The following EXOC4 variants were observed in gnomAD, a reference collection of about 807,000 sequenced individuals.
The protein encoded by EXOC4 is exocyst complex component 4.
A neutral mutation model predicts 107.2 loss-of-function variants in EXOC4; 71 were observed. That is an observed-to-expected ratio of 0.66 (90% CI 0.55 to 0.81). The LOEUF is 0.81. Ranked by LOEUF, EXOC4 falls within the 30% of genes least tolerant of loss-of-function variation. The pLI, the probability that EXOC4 is intolerant of heterozygous loss-of-function variation, is 0.00. For synonymous variants in EXOC4, 456 were observed against 441.2 expected (o/e 1.03, Z -0.42); for missense variants, 1,108 against 1,189.6 (o/e 0.93, Z 1.01).
At chr7:133,744,565 A>G (rs1437050241) in intron 10 of EXOC4, among the ~76,000 whole-genome samples, 1 of 152,204 alleles carries the variant, frequency 6.6e-6, no homozygotes, top group East Asian at 1.9e-4. Flanking sequence ...AATTAAATGT[A>G]CATGCCCAAA....
chr7:133,947,010 A>G (rs1006408312), intron 14 of EXOC4, among the ~76,000 whole-genome samples: 1 of 152,224 alleles, frequency 6.6e-6, no homozygotes, highest in Non-Finnish European at 1.5e-5. Context: ...CATATAGCAC[A>G]TATTTGACTT....
At chr7:133,510,161 A>C (rs547757267) in intron 9 of EXOC4, among the ~76,000 whole-genome samples, 1 of 152,304 alleles carries the variant, frequency 6.6e-6, no homozygotes, top group Non-Finnish European at 1.5e-5. Context: ...GAAGACCACC[A>C]ATCTAATTTC....
chr7:133,861,825 C>G (rs532540919), intron 11 of EXOC4, among the ~76,000 whole-genome samples: 1 of 152,262 alleles, frequency 6.6e-6, no homozygotes, highest in African/African-American at 2.4e-5. Flanking sequence ...TGAGCCACCT[C>G]GTCTGGCAAG....
chr7:134,080,305 G>C, the EXOC4 span, among the ~76,000 whole-genome samples: 4 of 152,186 alleles, frequency 2.6e-5, no homozygotes, highest in African/African-American at 7.2e-5. Context: ...TAAAAGTTCA[G>C]CTCCATGCTT....
intron 10 of EXOC4, among the ~76,000 whole-genome samples, chr7:133,807,346 C>G (rs1797102520): frequency 6.6e-6 from 1 of 152,130 alleles, no homozygotes; most frequent in Admixed American, 6.5e-5. Context: ...GCTCTTTGAT[C>G]AGGACGTGGT....
chr7:133,374,828 G>A lies in EXOC4; in HGVS notation c.1008G>A (p.Arg336=), dbSNP rs1273561595. The A allele has an allele frequency of 6.2e-7, 1 of 1,611,368 alleles. No individual in the cohort carries two copies. Among genetic ancestry groups the A allele is most frequent in the Non-Finnish European group, 8.5e-7 (1 of 1,178,002 alleles). ...GTTATTTATTTGTTTATGCCACTAG[G>A]TTGCTTCTAGAACTGCTGGAGTTAC... ...GENVTVENQP[R]LLLELLELLF... Residue 336 remains arginine, a splice_region_variant and synonymous_variant, in exon 7 of 18, where the codon AGG becomes AGA. Transcript: ENST00000253861.
intron 11 of EXOC4, among the ~76,000 whole-genome samples, chr7:133,861,352 C>T (rs1164692115): frequency 6.6e-6 from 1 of 152,136 alleles, no homozygotes. Context: ...CACCAAACCC[C>T]TGTGACATGC....
chr7:133,360,956 A>T (rs1796122663), intron 6 of EXOC4, among the ~76,000 whole-genome samples: 1 of 152,150 alleles, frequency 6.6e-6, no homozygotes, highest in African/African-American at 2.4e-5. Flanking sequence ...ATATTTGGTT[A>T]TTTATTGGCT....
At chr7:133,987,721 TCG>T (rs1352710947) in intron 14 of EXOC4, among the ~76,000 whole-genome samples, 1 of 152,192 alleles carries the variant, frequency 6.6e-6, no homozygotes, top group Non-Finnish European at 1.5e-5. Flanking sequence ...ACCTTTCCTT[TCG>T]TGCCGAGATA....
At chr7:134,069,586 C>T (rs1435059776), downstream of EXOC4, among the ~76,000 whole-genome samples, 2 of 152,160 alleles carry the variant, frequency 1.3e-5, no homozygotes, top group African/African-American at 4.8e-5. Flanking sequence ...CAACCTCTGC[C>T]TCCTGGGTTC....
intron 14 of EXOC4, among the ~76,000 whole-genome samples, chr7:133,945,416 A>T (rs931683720): frequency 5.9e-5 from 9 of 152,116 alleles, no homozygotes; most frequent in African/African-American, 9.7e-5. Context: ...GATTAACGTG[A>T]TTTCCCATTT....
chr7:133,655,485 C>G (rs1350979220), intron 10 of EXOC4, among the ~76,000 whole-genome samples: 1 of 152,166 alleles, frequency 6.6e-6, no homozygotes, highest in African/African-American at 2.4e-5. Context: ...AAAACACAAA[C>G]ACATTGTACG....
chr7:133,942,598 G>T (rs182647093), intron 14 of EXOC4, among the ~76,000 whole-genome samples: 1 of 152,082 alleles, frequency 6.6e-6, no homozygotes, highest in East Asian at 1.9e-4. Context: ...TCTCAGGGTG[G>T]TTATATCACC....
intron 10 of EXOC4, among the ~76,000 whole-genome samples, chr7:133,739,262 G>A (rs1422120277): frequency 6.7e-6 from 1 of 148,580 alleles, no homozygotes; most frequent in Non-Finnish European, 1.5e-5. Flanking sequence ...GTGTGTGTGT[G>A]TATAAAAAGA....
chr7:133,442,641 A>G (rs1445208671), intron 7 of EXOC4, among the ~76,000 whole-genome samples: 1 of 152,152 alleles, frequency 6.6e-6, no homozygotes, highest in Non-Finnish European at 1.5e-5. Flanking sequence ...AGTAGAGAAA[A>G]AGAGATTTAC....
chr7:134,093,827 T>C, the EXOC4 span, among the ~76,000 whole-genome samples: 1 of 152,342 alleles, frequency 6.6e-6, no homozygotes, highest in South Asian at 2.1e-4. Context: ...GAATGACTTT[T>C]GGGTAAACAA....
intron 6 of EXOC4, among the ~76,000 whole-genome samples, chr7:133,361,749 T>C (rs1796141461): frequency 6.6e-6 from 1 of 152,220 alleles, no homozygotes; most frequent in Non-Finnish European, 1.5e-5. Flanking sequence ...TTTTCGTTTG[T>C]ATAAAAGTAA....
chr7:134,086,208 A>G, the EXOC4 span, among the ~76,000 whole-genome samples: 1 of 152,188 alleles, frequency 6.6e-6, no homozygotes, highest in Non-Finnish European at 1.5e-5. Context: ...AAAAACAACA[A>G]AACAGCAATA....
intron 11 of EXOC4, among the ~76,000 whole-genome samples, chr7:133,848,724 C>T (rs1490984060): frequency 6.6e-6 from 1 of 152,160 alleles, no homozygotes; most frequent in African/African-American, 2.4e-5. Flanking sequence ...AAAATGTTCT[C>T]ATTTTCTAAA....
Sources: gnomAD v4.1 joint callset for allele counts (sites outside exome capture counted in the v4.1 genomes callset) on GRCh38, gnomAD v4.1.1 for gene constraint, MANE v1.5 for transcripts, NCBI Gene and HGNC (gene_info 2026-07-23, HGNC 2026-07-21) for gene names.